Variants in EPHA3 observed in about 807,000 individuals in gnomAD.
EPHA3 encodes ephrin type-A receptor 3.
A neutral mutation model predicts 107.1 loss-of-function variants in EPHA3; 42 were observed. The ratio of observed to expected loss-of-function variants is 0.39; its 90% CI spans 0.31 to 0.51. EPHA3 has a LOEUF of 0.51. Among genes scored for constraint, EPHA3 ranks in the 20% least tolerant of loss-of-function variants. The pLI is 0.78. For synonymous variants in EPHA3, 461 were observed against 424.8 expected (o/e 1.09, Z -1.05); for missense variants, 1,183 against 1,211.2 (o/e 0.98, Z 0.35).
chr3:89,390,944 C>T (rs1708716301), intron 5 of EPHA3, among the ~76,000 whole-genome samples: 1 of 151,600 alleles, frequency 6.6e-6, no homozygotes, highest in Non-Finnish European at 1.5e-5. Context: ...CCCAGCACTA[C>T]ATCTGGCTCG....
intron 11 of EPHA3, among the ~76,000 whole-genome samples, chr3:89,422,163 C>G (rs1709363893): frequency 6.7e-6 from 1 of 149,652 alleles, no homozygotes; most frequent in African/African-American, 2.4e-5. Context: ...AATAGAAACT[C>G]CTTACAATAA....
At chr3:89,191,687 G>C (rs866722721) in intron 2 of EPHA3, among the ~76,000 whole-genome samples, 1 of 152,024 alleles carries the variant, frequency 6.6e-6, no homozygotes, top group African/African-American at 2.4e-5. Flanking sequence ...TGGTTAATTG[G>C]TTACCCAGTT....
intron 2 of EPHA3, among the ~76,000 whole-genome samples, chr3:89,147,309 CCTG>C (rs1413253873): frequency 6.6e-6 from 1 of 151,594 alleles, no homozygotes; most frequent in East Asian, 1.9e-4. Context: ...ATGTAACAAA[CCTG>C]CACGTTCTGC....
At chr3:89,136,595 A>T (rs1293475809) in intron 2 of EPHA3, among the ~76,000 whole-genome samples, 3 of 151,638 alleles carry the variant, frequency 2.0e-5, no homozygotes, top group African/African-American at 7.3e-5. Context: ...TTAGAATTTT[A>T]AAAATATGGC....
intron 2 of EPHA3, among the ~76,000 whole-genome samples, chr3:89,149,311 C>A (rs1704638505): frequency 6.6e-6 from 1 of 151,934 alleles, no homozygotes; most frequent in Non-Finnish European, 1.5e-5. Context: ...GAGGATGGAA[C>A]AACCACTATT....
At chr3:89,156,816 T>C (rs943202240) in intron 2 of EPHA3, among the ~76,000 whole-genome samples, 1 of 151,992 alleles carries the variant, frequency 6.6e-6, no homozygotes, top group Non-Finnish European at 1.5e-5. Context: ...AAGATTCTGA[T>C]GACTTTTGGT....
intron 2 of EPHA3, among the ~76,000 whole-genome samples, chr3:89,180,654 G>A (rs1313645601): frequency 6.6e-6 from 1 of 151,944 alleles, no homozygotes; most frequent in Non-Finnish European, 1.5e-5. Flanking sequence ...TTGCCTTGTG[G>A]TGCAGCTGAT....
chr3:89,478,848 A>T (rs1025958729), intron 16 of EPHA3, among the ~76,000 whole-genome samples: 8 of 152,210 alleles, frequency 5.3e-5, no homozygotes, highest in Non-Finnish European at 1.5e-5. Flanking sequence ...CTTAAACAAC[A>T]GAAGTTTTTT....
intron 3 of EPHA3, among the ~76,000 whole-genome samples, chr3:89,300,669 G>C (rs1255261220): frequency 6.6e-6 from 1 of 152,008 alleles, no homozygotes; most frequent in Non-Finnish European, 1.5e-5. Flanking sequence ...TTCAGCCTTT[G>C]ATGTCTGACT....
At chr3:89,307,544 G>A (rs533481727) in intron 3 of EPHA3, among the ~76,000 whole-genome samples, 2 of 152,210 alleles carry the variant, frequency 1.3e-5, no homozygotes, top group Non-Finnish European at 2.9e-5. Flanking sequence ...CAGTGCTAAT[G>A]TTTGTTGGAT....
At chr3:89,411,205 A>G (rs1709149898) in intron 9 of EPHA3, among the ~76,000 whole-genome samples, 1 of 151,390 alleles carries the variant, frequency 6.6e-6, no homozygotes, top group African/African-American at 2.4e-5. Context: ...CTTTTTTGCC[A>G]AGATATTCAA....
intron 15 of EPHA3, among the ~76,000 whole-genome samples, chr3:89,453,270 C>T (rs1342038401): frequency 6.6e-6 from 1 of 151,966 alleles, no homozygotes; most frequent in Non-Finnish European, 1.5e-5. Flanking sequence ...AAAGCTAACT[C>T]ATGTAATGTA....
At chr3:89,219,344 G>T (rs1050719109) in intron 3 of EPHA3, among the ~76,000 whole-genome samples, 11 of 151,898 alleles carry the variant, frequency 7.2e-5, no homozygotes, top group Non-Finnish European at 1.3e-4. Context: ...TGTGTTTTTA[G>T]TAGAGATGGG....
At chr3:89,466,557 G>T (rs1272017889) in intron 15 of EPHA3, among the ~76,000 whole-genome samples, 1 of 132,560 alleles carries the variant, frequency 7.5e-6, no homozygotes, top group African/African-American at 2.9e-5. Flanking sequence ...AAGCCGGTCT[G>T]AAAAGCGCAA....
chr3:89,289,594 C>T (rs938133119), intron 3 of EPHA3, among the ~76,000 whole-genome samples: 2 of 152,018 alleles, frequency 1.3e-5, no homozygotes, highest in Admixed American at 6.6e-5. Context: ...TCTGTACACA[C>T]ATATATTAAT....
intron 2 of EPHA3, among the ~76,000 whole-genome samples, chr3:89,156,871 C>T (rs1195890428): frequency 1.3e-5 from 2 of 150,242 alleles, no homozygotes; most frequent in African/African-American, 2.5e-5. Context: ...ATGTCCACTA[C>T]ACATTTTATT....
chr3:89,396,085 C>T, intron 6 of EPHA3, 124 bp downstream of exon 6: 1 of 1,245,146 alleles, frequency 8.0e-7, no homozygotes, highest in Non-Finnish European at 1.1e-6. Context: ...AGAACTGTGG[C>T]CCTGTGACCC....
intron 15 of EPHA3, among the ~76,000 whole-genome samples, chr3:89,460,799 T>C (rs1440912939): frequency 1.4e-5 from 2 of 142,928 alleles, no homozygotes; most frequent in African/African-American, 2.6e-5. Context: ...ATATGCCGAA[T>C]ACCCAAGTGA....
chr3:89,323,819 G>A (rs983253944), intron 3 of EPHA3, among the ~76,000 whole-genome samples: 4 of 151,974 alleles, frequency 2.6e-5, no homozygotes, highest in Admixed American at 6.6e-5. Flanking sequence ...TAGAAATTAT[G>A]TATTTCTAGA....
Sources: allele counts gnomAD v4.1 joint callset (sites outside exome capture counted in the v4.1 genomes callset), GRCh38; gene constraint gnomAD v4.1.1; transcripts MANE v1.5; gene names NCBI Gene and HGNC (gene_info 2026-07-23, HGNC 2026-07-21).